Variants in TNFAIP8L3 observed in about 807,000 individuals in gnomAD.
TNFAIP8L3 encodes tumor necrosis factor alpha-induced protein 8-like protein 3.
A neutral mutation model predicts 11.8 loss-of-function variants in TNFAIP8L3; 7 were observed. That is an observed-to-expected ratio of 0.59 (90% CI 0.34 to 1.11). TNFAIP8L3 has a LOEUF of 1.11. Ranked by LOEUF, TNFAIP8L3 falls within the 50% of genes most tolerant of loss-of-function variation. The pLI is 0.03. For synonymous variants in TNFAIP8L3, 98 were observed against 103.8 expected (o/e 0.94, Z 0.34); for missense variants, 219 against 258.6 (o/e 0.85, Z 1.05).
intron 1 of TNFAIP8L3, among the ~76,000 whole-genome samples, chr15:51,102,848 A>C (rs1208471112): frequency 6.6e-6 from 1 of 151,980 alleles, no homozygotes; most frequent in Non-Finnish European, 1.5e-5. Flanking sequence ...CTCTCTCCCC[A>C]TTACTGATCT....
chr15:51,094,853 A>T lies in TNFAIP8L3; in HGVS notation c.-258T>A. The T allele has an allele frequency of 2.9e-6, 1 of 349,992 alleles. No individual in the cohort carries two copies. The highest frequency in any genetic ancestry group is 4.0e-6 in the Non-Finnish European group (1 of 250,456). The allele number at this position is 349,992 out of a possible 1,614,324, so 21.7% of individuals were successfully genotyped here. A position where few individuals can be genotyped will look rare whatever the true frequency, so the allele number is the denominator to read the frequency against. ...GGCGGAGGGTGGGGCGCTCCGGGAG[A>T]CAGCCGGGAGGAGGGAGGGGAGGCG... On this transcript the variant is annotated 5_prime_UTR_variant, in exon 1 of 2. Coordinates refer to ENST00000637513, the MANE Select transcript of TNFAIP8L3 (RefSeq NM_001311175.2). The surrounding 1 kb of genome is among the most constrained non-coding windows in gnomAD (Gnocchi z 4.4).
Position 51,094,428 on chromosome 15 carries a change from A to G in TNFAIP8L3, c.52+116T>C. ...AAACTCACGACGCGGAGCAATCCCCAGTCTTGGCCTGGAAGGGGTCGGGCT... is the reference window on the plus strand; with the variant it reads ...AAACTCACGACGCGGAGCAATCCCCGGTCTTGGCCTGGAAGGGGTCGGGCT... On this transcript the variant is annotated intron_variant, in intron 1 of 1. Coordinates refer to ENST00000637513, the MANE Select transcript of TNFAIP8L3 (RefSeq NM_001311175.2). This position sits in a 1 kb window ranked among gnomAD's most constrained non-coding sequence, Gnocchi z 4.4. 1 of 1,189,462 alleles carries G rather than the reference A, an allele frequency of 8.4e-7. No individual in the cohort carries two copies. The highest frequency in any genetic ancestry group is 1.1e-6 in the Non-Finnish European group (1 of 928,398). 73.7% of individuals were successfully genotyped at this position (1,189,462 alleles called of 1,614,324 possible).
chr15:51,100,388 A>ATT (rs34959759), intron 1 of TNFAIP8L3, among the ~76,000 whole-genome samples: 26 of 147,676 alleles, frequency 1.8e-4, no homozygotes, highest in East Asian at 5.9e-4. Flanking sequence ...TATTCTACTT[A>ATT]TTTTTTTTTT....
chr15:51,086,841 T>C (rs542885813), intron 1 of TNFAIP8L3, among the ~76,000 whole-genome samples: 1 of 152,222 alleles, frequency 6.6e-6, no homozygotes, highest in East Asian at 1.9e-4. Flanking sequence ...GGGCTGACCT[T>C]GGGCTGGCAA....
exon 1 of TNFAIP8L3, chr15:51,105,043 A>G: frequency 6.2e-7 from 1 of 1,614,058 alleles, no homozygotes; most frequent in Non-Finnish European, 8.5e-7. Flanking sequence ...AGATAAGGGG[A>G]TGAGTCTTGT....
At chr15:51,088,267 T>TA (rs2065443802) in intron 1 of TNFAIP8L3, among the ~76,000 whole-genome samples, 1 of 152,038 alleles carries the variant, frequency 6.6e-6, no homozygotes, top group Non-Finnish European at 1.5e-5. Flanking sequence ...TGTTGACAAA[T>TA]AAAAAGGCAA....
chr15:51,091,052 A>G (rs1001353448), intron 1 of TNFAIP8L3, among the ~76,000 whole-genome samples: 3 of 152,302 alleles, frequency 2.0e-5, no homozygotes, highest in Non-Finnish European at 4.4e-5. Flanking sequence ...TTGCCAAAGG[A>G]AAGAGTGCCA....
At chr15:51,096,362 G>A (rs899153919), upstream of TNFAIP8L3, among the ~76,000 whole-genome samples, 1 of 152,170 alleles carries the variant, frequency 6.6e-6, no homozygotes, top group Non-Finnish European at 1.5e-5. Context: ...GGTCAAAAGA[G>A]CCCCACAGTG....
At chr15:51,078,705 A>T (rs2065372079) in intron 1 of TNFAIP8L3, among the ~76,000 whole-genome samples, 1 of 151,388 alleles carries the variant, frequency 6.6e-6, no homozygotes, top group East Asian at 2.0e-4. Flanking sequence ...AACCCTCCTG[A>T]AGTCCTCTCC....
upstream of TNFAIP8L3, among the ~76,000 whole-genome samples, chr15:51,098,901 T>C (rs936764802): frequency 8.5e-5 from 13 of 152,356 alleles, no homozygotes; most frequent in Non-Finnish European, 1.6e-4. Flanking sequence ...AATCCTCTAT[T>C]GTTGAGCAGT....
chr15:51,099,729 G>A (rs925212673), upstream of TNFAIP8L3, among the ~76,000 whole-genome samples: 1 of 152,198 alleles, frequency 6.6e-6, no homozygotes, highest in African/African-American at 2.4e-5. Context: ...TCTGCCCAGT[G>A]CCTTCCCATA....
chr15:51,101,676 G>A (rs1195810457), intron 1 of TNFAIP8L3, among the ~76,000 whole-genome samples: 1 of 150,916 alleles, frequency 6.6e-6, no homozygotes, highest in African/African-American at 2.4e-5. Context: ...GCTGGGCGCC[G>A]TGGCTGAAGC....
chr15:51,092,259 G>A (rs2065477047), intron 1 of TNFAIP8L3, among the ~76,000 whole-genome samples: 1 of 152,214 alleles, frequency 6.6e-6, no homozygotes, highest in African/African-American at 2.4e-5. Flanking sequence ...TCACTCTGCT[G>A]TACTTCTCAG....
At chr15:51,093,567 G>C (rs146216699) in intron 1 of TNFAIP8L3, among the ~76,000 whole-genome samples, 1 of 152,322 alleles carries the variant, frequency 6.6e-6, no homozygotes, top group East Asian at 1.9e-4. Flanking sequence ...ACACTGGGAA[G>C]AGTGGGGGCT....
chr15:51,071,781 C>T (rs2065310737), intron 1 of TNFAIP8L3, among the ~76,000 whole-genome samples: 1 of 152,246 alleles, frequency 6.6e-6, no homozygotes, highest in Non-Finnish European at 1.5e-5. Flanking sequence ...CTCATTTTCA[C>T]TCCCAGCAGC....
upstream of TNFAIP8L3, among the ~76,000 whole-genome samples, chr15:51,098,693 G>C (rs987044836): frequency 6.6e-6 from 1 of 152,156 alleles, no homozygotes; most frequent in Non-Finnish European, 1.5e-5. Context: ...AAATTAATTC[G>C]TAATTTTACT....
Position 51,094,606 on chromosome 15 carries a change from G to C in TNFAIP8L3, c.-11C>G. 6.8e-7 allele frequency: 1 copy of C among 1,477,172 alleles called. No individual in the cohort carries two copies. The highest frequency in any genetic ancestry group is 8.9e-7 in the Non-Finnish European group (1 of 1,117,744). 91.5% of individuals were successfully genotyped at this position (1,477,172 alleles called of 1,614,324 possible). On this transcript the variant is annotated 5_prime_UTR_variant, in exon 1 of 2. Transcript: ENST00000637513. The surrounding 1 kb of genome is among the most constrained non-coding windows in gnomAD (Gnocchi z 4.4). Reference sequence around the variant, plus strand: ...GGAATCCGAATCCATGCTGCGGGCTGCTGGCTGGGCGTCCACGGCCACCCG... The same window carrying C: ...GGAATCCGAATCCATGCTGCGGGCTCCTGGCTGGGCGTCCACGGCCACCCG...
rs182704341 is a variant in TNFAIP8L3, at chr15:51,070,807, G to A, written c.53-12364C>T. On this transcript the variant is annotated intron_variant, in intron 1 of 1. Coordinates refer to ENST00000637513, the MANE Select transcript of TNFAIP8L3 (RefSeq NM_001311175.2). ...CACGCCTGTAATCCCAGCACTTTGG[G>A]AGGCCAAGGCGGGCGGATCACGAGG... is the stretch of plus-strand genomic sequence containing the variant. 4.5e-3 allele frequency among the ~76,000 whole-genome samples: 680 copies of A among 152,020 alleles called. 6 individuals are homozygous for A. Among genetic ancestry groups the A allele is most frequent in the African/African-American group, 0.015 (635 of 41,484 alleles).
Position 51,058,164 on chromosome 15 carries a change from T to C in TNFAIP8L3, c.332A>G (p.Lys111Arg). The part of the protein sequence containing the change: ...ELVIVEKFRK[K>R]LNQTAMTIVS... The stretch of plus-strand genomic sequence containing the variant: ...AATGGTCATGGCGGTCTGGTTCAGC[T>C]TCTTCCGGAACTTCTCCACAATAAC... Residue 111 changes from lysine to arginine, a missense_variant, in exon 2 of 2, where the codon AAG becomes AGG. By Grantham distance (26) the Lys-to-Arg change is conservative. Transcript: ENST00000637513. The C allele has an allele frequency of 1.2e-6, 2 of 1,614,248 alleles. No individual in the cohort carries two copies. The highest frequency in any genetic ancestry group is 1.7e-6 in the Non-Finnish European group (2 of 1,180,048).
Sources: gnomAD v4.1 joint callset for allele counts (sites outside exome capture counted in the v4.1 genomes callset) on GRCh38, gnomAD v4.1.1 for gene constraint, Gnocchi (gnomAD v3.1) non-coding constraint, MANE v1.5 for transcripts, NCBI Gene and HGNC (gene_info 2026-07-23, HGNC 2026-07-21) for gene names.